PPP3CA: variants seen among roughly 807,000 people sequenced by gnomAD.
PPP3CA encodes the protein CAM-PRP catalytic subunit.
Under a neutral mutation model 66.5 loss-of-function variants are expected in PPP3CA, and 14 were observed. That is an observed-to-expected ratio of 0.21 (90% CI 0.14 to 0.33). The LOEUF (loss-of-function observed/expected upper bound fraction) is 0.33, where lower values mean the gene tolerates loss of function less well. Among genes scored for constraint, PPP3CA ranks in the 10% least tolerant of loss-of-function variants. The pLI, the probability that PPP3CA is intolerant of heterozygous loss-of-function variation, is 1.00. For missense variants in PPP3CA, 317 were observed against 639.5 expected, an observed-to-expected ratio of 0.50 and a Z score of 5.44; for synonymous variants, 232 against 226.2, an observed-to-expected ratio of 1.03 and a Z score of -0.23.
At chr4:101,038,454 C>T (rs527254426) in intron 11 of PPP3CA, among the ~76,000 whole-genome samples, 65 of 151,860 alleles carry the variant, frequency 4.3e-4, no homozygotes, top group Middle Eastern at 3.4e-3. Context: ...ACTGCAACCT[C>T]CGCCTCCTGG....
chr4:101,146,071 T>A (rs1031588778), intron 2 of PPP3CA, among the ~76,000 whole-genome samples: 1 of 152,182 alleles, frequency 6.6e-6, no homozygotes, highest in African/African-American at 2.4e-5. Flanking sequence ...TTTAGAATAG[T>A]TTAAGTTTAT....
At chr4:101,282,396 T>C (rs1727714167) in intron 1 of PPP3CA, among the ~76,000 whole-genome samples, 1 of 152,214 alleles carries the variant, frequency 6.6e-6, no homozygotes, top group Admixed American at 6.5e-5. Context: ...GGTCCAGACC[T>C]CTTCCCAGAA....
At chr4:101,094,836 TCAG>T (rs1730122229) in intron 5 of PPP3CA, among the ~76,000 whole-genome samples, 1 of 152,184 alleles carries the variant, frequency 6.6e-6, no homozygotes, top group Non-Finnish European at 1.5e-5. Flanking sequence ...CTTTGGTGAA[TCAG>T]CAGATATTAT....
chr4:101,255,014 T>C (rs1578599305), intron 1 of PPP3CA, among the ~76,000 whole-genome samples: 1 of 68,388 alleles, frequency 1.5e-5, no homozygotes, highest in South Asian at 4.0e-4. Context: ...ACAATAAACA[T>C]AAGAAGCATG....
chr4:101,124,725 G>GAAA (rs1412415941), intron 2 of PPP3CA, among the ~76,000 whole-genome samples: 1 of 58,768 alleles, frequency 1.7e-5, no homozygotes, highest in Non-Finnish European at 3.8e-5. Context: ...AAGAAAGAAA[G>GAAA]AGAAAGAAAG....
intron 1 of PPP3CA, among the ~76,000 whole-genome samples, chr4:101,319,197 A>T (rs1347930355): frequency 1.3e-5 from 2 of 151,818 alleles, no homozygotes; most frequent in Non-Finnish European, 2.9e-5. Context: ...CCTGGCTTTA[A>T]AAAGGAAGAA....
intron 2 of PPP3CA, among the ~76,000 whole-genome samples, chr4:101,158,617 T>G (rs1352132791): frequency 6.6e-6 from 1 of 152,148 alleles, no homozygotes; most frequent in East Asian, 1.9e-4. Context: ...GGTCTAGGTT[T>G]TTGGGGCCTC....
At chr4:101,056,476 C>T (rs1728228657) in intron 10 of PPP3CA, among the ~76,000 whole-genome samples, 1 of 152,028 alleles carries the variant, frequency 6.6e-6, no homozygotes, top group African/African-American at 2.4e-5. Context: ...TTGCTATAGG[C>T]ACTACAGACA....
intron 2 of PPP3CA, chr4:101,171,268 TC>T (rs1295746077): frequency 2.2e-6 from 1 of 454,038 alleles, no homozygotes; most frequent in Non-Finnish European, 4.4e-6. Flanking sequence ...AATAACAATC[TC>T]CCACAATAGG....
intron 2 of PPP3CA, among the ~76,000 whole-genome samples, chr4:101,155,116 T>C (rs1723277012): frequency 6.6e-6 from 1 of 151,950 alleles, no homozygotes; most frequent in Admixed American, 6.6e-5. Flanking sequence ...CGCCCAGCCA[T>C]ATAAAAAATA....
chr4:101,345,527 C>T lies in PPP3CA; in HGVS notation c.58+1212G>A, dbSNP rs567490568. ...TTTCCAATTTCAGAGGCCCGCTCCC[C>T]GCACAGCTCATGCCCATCTCTGCTT... On this transcript the variant is annotated intron_variant, in intron 1 of 13. Transcript: ENST00000394854. Among the ~76,000 whole-genome samples, 8 of 152,312 alleles carry T rather than the reference C, an allele frequency of 5.3e-5. No homozygotes were observed. In the East Asian group the frequency reaches 1.4e-3, roughly 26 times the overall value.
intron 1 of PPP3CA, among the ~76,000 whole-genome samples, chr4:101,249,770 G>A (rs182883730): frequency 9.2e-4 from 140 of 152,138 alleles, no homozygotes; most frequent in Non-Finnish European, 1.7e-3. Flanking sequence ...TCTCAGTTTA[G>A]CACTATAATG....
intron 1 of PPP3CA, among the ~76,000 whole-genome samples, chr4:101,234,575 TG>T (rs1426445498): frequency 6.6e-6 from 1 of 150,910 alleles, no homozygotes; most frequent in East Asian, 1.9e-4. Flanking sequence ...CACTTTTTAA[TG>T]TTTTTTTTTT....
intron 2 of PPP3CA, among the ~76,000 whole-genome samples, chr4:101,157,472 C>T (rs1008303567): frequency 5.3e-5 from 8 of 151,896 alleles, no homozygotes; most frequent in African/African-American, 1.7e-4. Context: ...AGAAAGGGGA[C>T]GAGGAAAAGA....
chr4:101,075,735 T>C (rs1205492146), intron 8 of PPP3CA, among the ~76,000 whole-genome samples: 2 of 152,204 alleles, frequency 1.3e-5, no homozygotes, highest in African/African-American at 4.8e-5. Flanking sequence ...GATTTTACTC[T>C]CACTGATTGC....
chr4:101,177,434 T>G (rs987232637), intron 2 of PPP3CA, among the ~76,000 whole-genome samples: 6 of 152,174 alleles, frequency 3.9e-5, no homozygotes, highest in African/African-American at 1.4e-4. Context: ...TGATTCATAG[T>G]AGTCCTGTAC....
intron 6 of PPP3CA, among the ~76,000 whole-genome samples, chr4:101,091,973 A>G (rs886239156): frequency 6.6e-6 from 1 of 151,842 alleles, no homozygotes; most frequent in Non-Finnish European, 1.5e-5. Context: ...CACTCTCGCA[A>G]TTTTCACATA....
chr4:101,258,045 A>G (rs1726902282), intron 1 of PPP3CA, among the ~76,000 whole-genome samples: 1 of 152,264 alleles, frequency 6.6e-6, no homozygotes, highest in Non-Finnish European at 1.5e-5. Flanking sequence ...AAATATATAC[A>G]TAAATGATTC....
chr4:101,123,768 T>C (rs1055799077), intron 2 of PPP3CA, among the ~76,000 whole-genome samples: 7 of 152,270 alleles, frequency 4.6e-5, no homozygotes, highest in Non-Finnish European at 8.8e-5. Context: ...AGAGGAGCCA[T>C]GGAAGAAAAA....
Sources: allele counts gnomAD v4.1 joint callset (sites outside exome capture counted in the v4.1 genomes callset), GRCh38; gene constraint gnomAD v4.1.1; transcripts MANE v1.5; gene names NCBI Gene and HGNC (gene_info 2026-07-23, HGNC 2026-07-21).